The following EP300 variants were observed in gnomAD, a reference collection of about 807,000 sequenced individuals.
EP300 encodes the protein histone acetyltransferase p300.
EP300 carries 31 observed loss-of-function variants against 264.0 expected under a neutral mutation model. The ratio of observed to expected loss-of-function variants is 0.12; its 90% confidence interval spans 0.09 to 0.16. The LOEUF (loss-of-function observed/expected upper bound fraction) is 0.16. EP300 is among the 10% of genes least tolerant of loss of function. The pLI, the probability that EP300 is intolerant of heterozygous loss-of-function variation, is 1.00. For synonymous variants in EP300, 1,340 were observed against 1,045.4 expected (o/e 1.28, Z -5.44); for missense variants, 2,766 against 3,052.9 (o/e 0.91, Z 2.21).
intron 1 of EP300, among the ~76,000 whole-genome samples, chr22:41,097,429 TTC>T (rs781573495): frequency 2.6e-5 from 4 of 151,242 alleles, no homozygotes; most frequent in African/African-American, 4.9e-5. Flanking sequence ...TTCTTTGCTT[TTC>T]TCTCTCTTCT....
chr22:41,109,970 C>T lies in EP300; in HGVS notation c.95-7217C>T, dbSNP rs541201088. 2.0e-4 allele frequency among the ~76,000 whole-genome samples: 31 copies of T among 151,866 alleles called. No homozygotes were observed. The East Asian group carries it at 5.3e-3, about 26-fold the overall frequency. On this transcript the variant is annotated intron_variant, in intron 1 of 30. Coordinates refer to ENST00000263253, the MANE Select transcript of EP300 (RefSeq NM_001429.4). ...CTGGGATTACAGGCGCCTGCCACCA[C>T]GCCCAGCTAATTTTTGTATTTTTAG...
chr22:41,108,828 T>G (rs1335861885), intron 1 of EP300, among the ~76,000 whole-genome samples: 2 of 152,250 alleles, frequency 1.3e-5, no homozygotes, highest in Non-Finnish European at 2.9e-5. Context: ...TTCCTTCATT[T>G]CAACAGTCAT....
At chr22:41,112,411 C>G (rs1601595330) in intron 1 of EP300, among the ~76,000 whole-genome samples, 1 of 150,376 alleles carries the variant, frequency 6.6e-6, no homozygotes, top group East Asian at 2.0e-4. Flanking sequence ...ATTGGCCAGG[C>G]TGGTCTCAAG....
At chr22:41,161,487 G>A (rs549497005) in intron 20 of EP300, among the ~76,000 whole-genome samples, 16 of 152,120 alleles carry the variant, frequency 1.1e-4, no homozygotes, top group African/African-American at 3.4e-4. Context: ...CATGGTGGTG[G>A]GCGCCTGTAG....
At position 41,141,043 on chromosome 22, in the gene EP300, A is replaced by G. The variant is rs1408284040; in HGVS notation, c.1879-5A>G. 1.9e-6 allele frequency: 3 copies of G among 1,613,220 alleles called. No individual in the cohort carries two copies. The highest frequency in any genetic ancestry group is 2.5e-6 in the Non-Finnish European group (3 of 1,179,716). ...CTCCCTTATTTTACTTCAACAATTCAAAAGGCGGAATACTACCACCTTCTA... is the reference window on the plus strand; with the variant it reads ...CTCCCTTATTTTACTTCAACAATTCGAAAGGCGGAATACTACCACCTTCTA... On this transcript the variant is annotated splice_polypyrimidine_tract_variant and splice_region_variant and intron_variant, in intron 9 of 30. Coordinates refer to ENST00000263253, the MANE Select transcript of EP300 (RefSeq NM_001429.4).
intron 10 of EP300, among the ~76,000 whole-genome samples, chr22:41,144,233 G>A (rs1387338377): frequency 6.6e-6 from 1 of 151,984 alleles, no homozygotes; most frequent in African/African-American, 2.4e-5. Flanking sequence ...GGATACTTGT[G>A]TTGTGTGATA....
intron 10 of EP300, 22 bp from the exon 11 acceptor site, chr22:41,146,717 T>A (rs1201972257): frequency 1.2e-6 from 2 of 1,610,382 alleles, no homozygotes; most frequent in East Asian, 2.2e-5. Context: ...GCAAAGATAC[T>A]TATTTCTCTT....
intron 1 of EP300, among the ~76,000 whole-genome samples, chr22:41,105,198 GAAAAAA>G (rs764225630): frequency 8.2e-5 from 5 of 60,948 alleles, no homozygotes; most frequent in Middle Eastern, 0.017. Context: ...CTCCATCTCA[GAAAAAA>G]AAAAAAAAAA....
At chr22:41,156,289 A>G (rs1004411315) in intron 17 of EP300, among the ~76,000 whole-genome samples, 1 of 152,194 alleles carries the variant, frequency 6.6e-6, no homozygotes, top group African/African-American at 2.4e-5. Context: ...CCCAGATTAC[A>G]GGCGTGAGCC....
intron 1 of EP300, among the ~76,000 whole-genome samples, chr22:41,110,762 G>C (rs1271517697): frequency 6.6e-6 from 1 of 151,480 alleles, no homozygotes; most frequent in Non-Finnish European, 1.5e-5. Context: ...GTATACTTTA[G>C]AATCATCTTG....
At chr22:41,095,673 G>A (rs754735811) in intron 1 of EP300, among the ~76,000 whole-genome samples, 1 of 151,860 alleles carries the variant, frequency 6.6e-6, no homozygotes, top group Non-Finnish European at 1.5e-5. Flanking sequence ...TGTCACTTGG[G>A]TATTTTATAA....
intron 23 of EP300, among the ~76,000 whole-genome samples, chr22:41,166,900 T>C (rs757655806): frequency 1.8e-4 from 28 of 152,264 alleles, no homozygotes; most frequent in Non-Finnish European, 3.5e-4. Context: ...GTGTTTTTCC[T>C]GTTCCTATAT....
Position 41,178,306 on chromosome 22 carries a change from C to T in EP300, c.6595C>T (p.Pro2199Ser). 2 of 1,614,156 alleles carry T rather than the reference C, an allele frequency of 1.2e-6. No individual in the cohort carries two copies. Among genetic ancestry groups the T allele is most frequent in the Non-Finnish European group, 1.7e-6 (2 of 1,180,024 alleles). ...MQQQQQQGAG[P>S]GIGPGMANHN... ...ACAGCAGCAGCAACAGGGAGCAGGGCCAGGAATAGGCCCTGGAATGGCCAA... is the reference window on the plus strand; with the variant it reads ...ACAGCAGCAGCAACAGGGAGCAGGGTCAGGAATAGGCCCTGGAATGGCCAA... Residue 2199 changes from proline (P) to serine (S), a missense_variant, in exon 31 of 31, where the codon CCA becomes TCA. Pro to Ser is a moderately conservative substitution (Grantham distance 74). Transcript: ENST00000263253.
At chr22:41,141,765 C>G (rs1371683721) in intron 10 of EP300, among the ~76,000 whole-genome samples, 2 of 151,988 alleles carry the variant, frequency 1.3e-5, no homozygotes, top group Non-Finnish European at 2.9e-5. Context: ...CAGCCTCCGC[C>G]TCCCAGGTTC....
intron 5 of EP300, 126 bp downstream of exon 5, chr22:41,130,129 C>A: frequency 1.3e-6 from 1 of 746,822 alleles, no homozygotes. Flanking sequence ...ATGTTTTTTT[C>A]CCTTTTAATT....
In EP300 at chr22:41,177,651, G is replaced by A; in HGVS notation, c.5940G>A (p.Leu1980=). 2.5e-6 allele frequency: 4 copies of A among 1,614,054 alleles called. No homozygotes were observed. Among genetic ancestry groups the A allele is most frequent in the Non-Finnish European group, 2.5e-6 (3 of 1,180,034 alleles). Residue 1980 remains leucine (L), a synonymous_variant, in exon 31 of 31, where the codon TTG becomes TTA. Transcript: ENST00000263253. ...TGACCAGAGGTCCCAGTGGGCATTTGGAGCCAGGGATGGGACCGACAGGGA... is the reference window on the plus strand; with the variant it reads ...TGACCAGAGGTCCCAGTGGGCATTTAGAGCCAGGGATGGGACCGACAGGGA... The part of the protein sequence containing the change: ...PPMTRGPSGH[L]EPGMGPTGMQ...
In EP300 at chr22:41,135,922, A is replaced by T; in HGVS notation, c.1622+16A>T. 6.4e-7 allele frequency: 1 copy of T among 1,569,004 alleles called. No homozygotes were observed. Among genetic ancestry groups the T allele is most frequent in the Non-Finnish European group, 8.8e-7 (1 of 1,138,910 alleles). ...ATTCTCAAAAGTAAGTCTTAACGTG[A>T]TTTATACCCTGGGTCACATTACAAA... is the stretch of plus-strand genomic sequence containing the variant. On this transcript the variant is annotated intron_variant, in intron 7 of 30. Coordinates refer to ENST00000263253, the MANE Select transcript of EP300 (RefSeq NM_001429.4).
At chr22:41,100,922 CATCTT>C (rs1332681644) in intron 1 of EP300, among the ~76,000 whole-genome samples, 7 of 152,096 alleles carry the variant, frequency 4.6e-5, no homozygotes, top group East Asian at 1.9e-4. Context: ...GTATACAAGA[CATCTT>C]ATATATCCTA....
rs2145766527 is a variant in EP300 at position 41,170,452 on chromosome 22, G to A, written c.4333G>A (p.Asp1445Asn). 1 of 1,611,702 alleles carries A rather than the reference G, an allele frequency of 6.2e-7. No individual in the cohort carries two copies. The highest frequency in any genetic ancestry group is 8.5e-7 in the Non-Finnish European group (1 of 1,178,772). ...GGCATGTCCACCAAGTGAGGGAGAT[G>A]ATTATATCTTCCATTGCCATCCTCC... ...IWACPPSEGD[D>N]YIFHCHPPDQ... The change falls in exon 27 of 31, where the codon GAT (aspartate) becomes AAT (asparagine). Residue 1445 changes from aspartate (D) to asparagine (N), a missense_variant. Asp to Asn is a conservative substitution (Grantham distance 23). Transcript: ENST00000263253.
Sources: gnomAD v4.1 joint callset for allele counts (sites outside exome capture counted in the v4.1 genomes callset) on GRCh38, gnomAD v4.1.1 for gene constraint, MANE v1.5 for transcripts, NCBI Gene and HGNC (gene_info 2026-07-23, HGNC 2026-07-21) for gene names.